Variants in ZBTB20 observed in about 807,000 individuals in gnomAD.
The protein encoded by ZBTB20 is zinc finger and BTB domain-containing protein 20.
In ZBTB20, 9 loss-of-function variants were observed where a neutral mutation model predicts 56.9. That is an observed-to-expected ratio of 0.16 (90% CI 0.10 to 0.28). The LOEUF (loss-of-function observed/expected upper bound fraction) is 0.28, where lower values mean the gene tolerates loss of function less well. Among genes scored for constraint, ZBTB20 ranks in the 10% least tolerant of loss-of-function variants. ZBTB20 has a pLI of 1.00. For missense variants in ZBTB20, 655 were observed against 1,003.0 expected (o/e 0.65, Z 4.69); for synonymous variants, 417 against 420.7 (o/e 0.99, Z 0.11).
At chr3:115,137,337 A>G (rs1167339249) in intron 1 of ZBTB20, among the ~76,000 whole-genome samples, 6 of 152,080 alleles carry the variant, frequency 3.9e-5, no homozygotes, top group Non-Finnish European at 5.9e-5. Flanking sequence ...GTATGTATGT[A>G]TACATGACAG....
At chr3:115,083,301 TCTC>T (rs1448358582) in intron 1 of ZBTB20, among the ~76,000 whole-genome samples, 1 of 151,952 alleles carries the variant, frequency 6.6e-6, no homozygotes, top group Non-Finnish European at 1.5e-5. Flanking sequence ...GTGCCCATCT[TCTC>T]CTCACAGCCT....
intron 11 of ZBTB20, among the ~76,000 whole-genome samples, chr3:114,342,683 A>C (rs755243119): frequency 2.0e-4 from 31 of 152,250 alleles, no homozygotes; most frequent in Admixed American, 5.2e-4. Flanking sequence ...TGGTCATTTT[A>C]AGAAAAATTA....
chr3:114,602,949 T>C (rs2056874072), intron 6 of ZBTB20, among the ~76,000 whole-genome samples: 2 of 152,016 alleles, frequency 1.3e-5, no homozygotes, highest in African/African-American at 2.4e-5. Flanking sequence ...AGAGAGATAC[T>C]CTGGAGTACA....
Position 114,333,912 on chromosome 3 carries a change from C to T in ZBTB20, c.*5093G>A, listed in dbSNP as rs145093761. 3 of 152,172 alleles carry T rather than the reference C, an allele frequency of 2.0e-5. No individual in the cohort carries two copies. The highest frequency in any genetic ancestry group is 2.1e-4 in the South Asian group (1 of 4,818). 9.4% of individuals were successfully genotyped at this position (152,172 alleles called of 1,614,324 possible). A position where few individuals can be genotyped will look rare whatever the true frequency, so the allele number is the denominator to read the frequency against. On this transcript the variant is annotated 3_prime_UTR_variant, in exon 12 of 12. Coordinates refer to ENST00000675478, the MANE Select transcript of ZBTB20 (RefSeq NM_001348800.3). ...ATTTTGCAATTCTTTTGTTCTCTGC[C>T]CTAGAGCTTCCATTACCCTGGACTT...
chr3:115,137,301 G>C (rs1423459538), intron 1 of ZBTB20, among the ~76,000 whole-genome samples: 1 of 151,998 alleles, frequency 6.6e-6, no homozygotes, highest in African/African-American at 2.4e-5. Context: ...TAAGTTTTTA[G>C]TACCTTGTAT....
At chr3:114,764,413 C>T (rs992932449) in intron 5 of ZBTB20, among the ~76,000 whole-genome samples, 9 of 152,256 alleles carry the variant, frequency 5.9e-5, no homozygotes, top group East Asian at 3.9e-4. Flanking sequence ...CTCATCAGCA[C>T]GGTGCCCTCA....
At chr3:114,519,241 T>G (rs1037164056) in intron 6 of ZBTB20, 2 of 152,196 alleles carry the variant, frequency 1.3e-5, no homozygotes, top group African/African-American at 4.8e-5. Flanking sequence ...AAGTAAATAA[T>G]TTTTACAGTA....
intron 6 of ZBTB20, among the ~76,000 whole-genome samples, chr3:114,655,628 C>A (rs2060368121): frequency 1.3e-5 from 2 of 152,162 alleles, no homozygotes; most frequent in Admixed American, 6.5e-5. Context: ...TTAGCTGTAC[C>A]TTTTTTGTTA....
intron 6 of ZBTB20, among the ~76,000 whole-genome samples, chr3:114,578,169 G>A (rs912145935): frequency 2.6e-5 from 4 of 151,906 alleles, no homozygotes; most frequent in Admixed American, 6.6e-5. Flanking sequence ...AATTAAAAAT[G>A]TTCATTAATA....
chr3:114,965,692 C>T (rs1156580854), intron 3 of ZBTB20, among the ~76,000 whole-genome samples: 1 of 152,044 alleles, frequency 6.6e-6, no homozygotes, highest in South Asian at 2.1e-4. Context: ...CACATGATAA[C>T]ATCCATTCTG....
In ZBTB20 at chr3:114,318,121, A is replaced by C. The variant is rs1187038722; in HGVS notation, c.*20884T>G. On this transcript the variant is annotated 3_prime_UTR_variant, in exon 12 of 12. Transcript: ENST00000675478. Reference sequence around the variant, plus strand: ...TTTTTTAAAAAAATCACAGTTTTTAAAAATTATTTTTTCAATGTTGAAAAA... The same window carrying C: ...TTTTTTAAAAAAATCACAGTTTTTACAAATTATTTTTTCAATGTTGAAAAA... The C allele has an allele frequency of 3.3e-5, 5 of 152,264 alleles. No individual in the cohort carries two copies. Among genetic ancestry groups the C allele is most frequent in the African/African-American group, 1.2e-4 (5 of 41,464 alleles). The allele number at this position is 152,264 out of a possible 1,614,324, so 9.4% of individuals were successfully genotyped here. A position where few individuals can be genotyped will look rare whatever the true frequency, so the allele number is the denominator to read the frequency against.
intron 6 of ZBTB20, among the ~76,000 whole-genome samples, chr3:114,599,668 T>A (rs1053664301): frequency 6.6e-6 from 1 of 152,068 alleles, no homozygotes; most frequent in African/African-American, 2.4e-5. Context: ...TTACTTACAT[T>A]ATTTGCATTT....
At chr3:114,703,247 G>A (rs900272330) in intron 5 of ZBTB20, among the ~76,000 whole-genome samples, 2 of 152,122 alleles carry the variant, frequency 1.3e-5, no homozygotes, top group East Asian at 3.9e-4. Context: ...TGGAGCAGAA[G>A]TTAGGAGGAA....
At chr3:114,635,880 T>C (rs779936196) in intron 6 of ZBTB20, among the ~76,000 whole-genome samples, 7 of 151,930 alleles carry the variant, frequency 4.6e-5, no homozygotes, top group Non-Finnish European at 1.0e-4. Context: ...AGAAAGCCTA[T>C]TTAAAGAAAT....
intron 5 of ZBTB20, among the ~76,000 whole-genome samples, chr3:114,790,470 T>TTAACAGC (rs1311722223): frequency 6.6e-6 from 1 of 152,144 alleles, no homozygotes; most frequent in Admixed American, 6.6e-5. Context: ...TTCTTCCAGG[T>TTAACAGC]TAACAGCTAT....
intron 6 of ZBTB20, among the ~76,000 whole-genome samples, chr3:114,568,000 GGTGCAGCAGCAT>G (rs2052980606): frequency 6.6e-6 from 1 of 152,194 alleles, no homozygotes. Flanking sequence ...GCTACTGCAG[GGTGCAGCAGCAT>G]GTGCAGCAGT....
At chr3:114,795,879 G>A (rs921503689) in intron 5 of ZBTB20, among the ~76,000 whole-genome samples, 2 of 151,980 alleles carry the variant, frequency 1.3e-5, no homozygotes, top group African/African-American at 4.8e-5. Context: ...ACTCAGTAGG[G>A]CTAAGAAATG....
chr3:114,968,282 A>C (rs559574728), intron 3 of ZBTB20, among the ~76,000 whole-genome samples: 143 of 152,342 alleles, frequency 9.4e-4, no homozygotes, highest in Non-Finnish European at 1.5e-3. Context: ...CTGTTATGTC[A>C]AACTGTGAAC....
chr3:114,484,971 C>A (rs562487472), intron 7 of ZBTB20, among the ~76,000 whole-genome samples: 1 of 152,260 alleles, frequency 6.6e-6, no homozygotes, highest in African/African-American at 2.4e-5. Flanking sequence ...GAACTTTGAT[C>A]TTTTAAATTT....
Sources: gnomAD v4.1 joint callset for allele counts (sites outside exome capture counted in the v4.1 genomes callset) on GRCh38, gnomAD v4.1.1 for gene constraint, MANE v1.5 for transcripts, NCBI Gene and HGNC (gene_info 2026-07-23, HGNC 2026-07-21) for gene names.